The following IL17RC variants were observed in gnomAD, a reference collection of about 807,000 sequenced individuals.
IL17RC encodes interleukin 17 receptor C.
A neutral mutation model predicts 86.7 loss-of-function variants in IL17RC; 53 were observed. The ratio of observed to expected loss-of-function variants is 0.61; its 90% confidence interval spans 0.49 to 0.77. The LOEUF is 0.77. Ranked by LOEUF, IL17RC falls within the 30% of genes least tolerant of loss-of-function variation. The pLI is 0.00. For missense variants in IL17RC, 957 were observed against 940.0 expected (o/e 1.02, Z -0.24); for synonymous variants, 439 against 413.1 (o/e 1.06, Z -0.76).
rs139588638 is a variant in IL17RC at position 9,928,312 on chromosome 3, C to T, written c.885C>T (p.Arg295=). Residue 295 remains arginine, a synonymous_variant, in exon 11 of 19, where the codon CGC becomes CGT. Coordinates refer to ENST00000403601, the MANE Select transcript of IL17RC (RefSeq NM_153460.4). Reference sequence around the variant, plus strand: ...TGTGCCCTTTCCTTGCAGACCCCCGCGCACACCAGAACCTCTGGCAAGCCG... The same window carrying T: ...TGTGCCCTTTCCTTGCAGACCCCCGTGCACACCAGAACCTCTGGCAAGCCG... The part of the protein sequence containing the change: ...TNICPFREDP[R]AHQNLWQAAR... 5.9e-4 allele frequency: 954 copies of T among 1,607,208 alleles called. 3 individuals carry two copies. The highest frequency in any genetic ancestry group is 5.0e-3 in the Middle Eastern group (30 of 6,034).
At position 9,932,642 on chromosome 3, in the gene IL17RC, C is replaced by T. The variant is rs768412912; in HGVS notation, c.1422C>T (p.Ala474=). ...AGCGCTGGGCCCTCGTGTGGCTGGCCTGCCTACTCTTTGCCGCTGCGCTTT... is the reference window on the plus strand; with the variant it reads ...AGCGCTGGGCCCTCGTGTGGCTGGCTTGCCTACTCTTTGCCGCTGCGCTTT... ...IHKRWALVWL[A]CLLFAAALSL... The change falls in exon 17 of 19, where the codon GCC becomes GCT. Residue 474 remains alanine, a synonymous_variant. Transcript: ENST00000403601. 22 of 1,614,084 alleles carry T rather than the reference C, an allele frequency of 1.4e-5. No homozygotes were observed. The highest frequency in any genetic ancestry group is 1.9e-5 in the Non-Finnish European group (22 of 1,180,036).
At chr3:9,929,977 C>G (rs368007180) in intron 13 of IL17RC, 51 bp from the exon 14 acceptor site, 31 of 1,613,452 alleles carry the variant, frequency 1.9e-5, no homozygotes, top group Non-Finnish European at 2.5e-5. Context: ...GGCAAGTGGC[C>G]AATCCCAGCA....
intron 5 of IL17RC, among the ~76,000 whole-genome samples, 171 bp downstream of exon 5, chr3:9,918,780 TG>T (rs904356365): frequency 2.6e-5 from 4 of 152,242 alleles, no homozygotes; most frequent in Admixed American, 6.5e-5. Flanking sequence ...ACAACAGCCA[TG>T]TGAGGTGGGA....
In IL17RC at chr3:9,917,112, C is replaced by A; in HGVS notation, c.-204C>A. ...TGCCGGGAGCCAAAACGAAAGCACT[C>A]CGTGCTGGAAGTAGGAGGAGAGTCA... is the stretch of plus-strand genomic sequence containing the variant. On this transcript the variant is annotated 5_prime_UTR_variant, in exon 1 of 19. Coordinates refer to ENST00000403601, the MANE Select transcript of IL17RC (RefSeq NM_153460.4). 1 of 579,178 alleles carries A rather than the reference C, an allele frequency of 1.7e-6. No individual in the cohort carries two copies. The highest frequency in any genetic ancestry group is 3.1e-6 in the Non-Finnish European group (1 of 325,374). The allele number at this position is 579,178 out of a possible 1,614,324, so 35.9% of individuals were successfully genotyped here.
rs112277639 is a variant in IL17RC, at chr3:9,925,860, A to AT, written c.822+1585dup. On this transcript the variant is annotated intron_variant, in intron 9 of 18. Transcript: ENST00000403601. ...CACTTCATTTCTTTTATTTTCTTAA[A>AT]TTTTTTTTTTTTTTTTAGAGACAGC... Among the ~76,000 whole-genome samples the AT allele has an allele frequency of 7.2e-3, 993 of 138,496 alleles. 5 individuals are homozygous for AT. The highest frequency in any genetic ancestry group is 0.015 in the Middle Eastern group (4 of 268). 90.9% of individuals were successfully genotyped at this position (138,496 alleles called of 152,430 possible).
chr3:9,930,859 T>TG lies in IL17RC; in HGVS notation c.1339-34dup, dbSNP rs777106849. ...CTTGGTGAATATTGGAACACCTGGC[T>TG]GGTGCCCTGGATTTGGTTCTGTTTG... On this transcript the variant is annotated intron_variant, in intron 15 of 18. Coordinates refer to ENST00000403601, the MANE Select transcript of IL17RC (RefSeq NM_153460.4). The surrounding 1 kb of genome is among the most constrained non-coding windows in gnomAD (Gnocchi z 5.8). The TG allele has an allele frequency of 1.2e-6, 2 of 1,604,306 alleles. No homozygotes were observed. The highest frequency in any genetic ancestry group is 2.7e-5 in the African/African-American group (2 of 74,852).
At chr3:9,928,658 T>G in intron 12 of IL17RC, 28 bp downstream of exon 12, 1 of 1,612,460 alleles carries the variant, frequency 6.2e-7, no homozygotes, top group Non-Finnish European at 8.5e-7. Context: ...AGTGCTGGGC[T>G]GGAGGCTGGA....
chr3:9,928,540 G>C, intron 11 of IL17RC, 40 bp from the exon 12 acceptor site: 1 of 1,613,236 alleles, frequency 6.2e-7, no homozygotes, highest in Non-Finnish European at 8.5e-7. Context: ...GGAACCGGGG[G>C]TCCCCTTTTG....
At position 9,924,079 on chromosome 3, in the gene IL17RC, C is replaced by A. The variant is rs557849314; in HGVS notation, c.762+59C>A. ...TGTAGGCCGATGCCTGTGCAAAGGACGCAGTGCCATATCAGAGAGGATCCT... is the reference window on the plus strand; with the variant it reads ...TGTAGGCCGATGCCTGTGCAAAGGAAGCAGTGCCATATCAGAGAGGATCCT... On this transcript the variant is annotated intron_variant, in intron 8 of 18. Coordinates refer to ENST00000403601, the MANE Select transcript of IL17RC (RefSeq NM_153460.4). The A allele has an allele frequency of 2.4e-5, 38 of 1,610,926 alleles. No homozygotes were observed. The Middle Eastern group carries it at 6.6e-4, about 28-fold the overall frequency.
chr3:9,919,473 C>T (rs1305868015), intron 5 of IL17RC, among the ~76,000 whole-genome samples: 3 of 151,726 alleles, frequency 2.0e-5, no homozygotes, highest in East Asian at 1.9e-4. Context: ...TGAAACCCTG[C>T]CTCCACTAAA....
intron 7 of IL17RC, among the ~76,000 whole-genome samples, chr3:9,923,200 A>G (rs1289336778): frequency 6.7e-6 from 1 of 149,954 alleles, no homozygotes; most frequent in Non-Finnish European, 1.5e-5. Flanking sequence ...GGAAAAAAAA[A>G]AGAGAGAGAA....
intron 16 of IL17RC, 100 bp downstream of exon 16, chr3:9,931,043 C>T (rs2084605588): frequency 5.4e-6 from 5 of 931,642 alleles, no homozygotes; most frequent in Non-Finnish European, 9.0e-6. Flanking sequence ...TTGTCCTTCC[C>T]TGAGATCAGA....
At chr3:9,920,382 G>A (rs2083440246) in intron 5 of IL17RC, 109 bp from the exon 6 acceptor site, 1 of 683,092 alleles carries the variant, frequency 1.5e-6, no homozygotes, top group Admixed American at 2.2e-5. Flanking sequence ...ACAGTCATTA[G>A]TTGGGGGAGG....
chr3:9,921,539 T>G (rs1403134093), intron 7 of IL17RC, among the ~76,000 whole-genome samples: 1 of 152,132 alleles, frequency 6.6e-6, no homozygotes, highest in Non-Finnish European at 1.5e-5. Context: ...TCCCACGTAC[T>G]ATTTGGATTT....
At position 9,918,916 on chromosome 3, in the gene IL17RC, C is replaced by T. The variant is rs942794744; in HGVS notation, c.465+307C>T. 4.7e-5 allele frequency: 15 copies of T among 318,866 alleles called. 1 individual carries two copies. The highest frequency in any genetic ancestry group is 4.4e-4 in the South Asian group (11 of 25,038). The allele number at this position is 318,866 out of a possible 1,614,324, so 19.8% of individuals were successfully genotyped here. A position where few individuals can be genotyped will look rare whatever the true frequency, so the allele number is the denominator to read the frequency against. Reference sequence around the variant, plus strand: ...CATATGCTTGACTGCGAGAAATCACCAAGCGTTTTTCAGGGTGCTTCTACT... The same window carrying T: ...CATATGCTTGACTGCGAGAAATCACTAAGCGTTTTTCAGGGTGCTTCTACT... On this transcript the variant is annotated intron_variant, in intron 5 of 18. Coordinates refer to ENST00000403601, the MANE Select transcript of IL17RC (RefSeq NM_153460.4).
chr3:9,924,186 CTTCCTCCTT>C, intron 8 of IL17RC, 37 bp from the exon 9 acceptor site: 1 of 1,612,812 alleles, frequency 6.2e-7, no homozygotes, highest in Middle Eastern at 1.7e-4. Context: ...GCCTCCTCCT[CTTCCTCCTT>C]ATCTTCTCCA....
In IL17RC at chr3:9,933,336, A is replaced by T; in HGVS notation, c.1906A>T (p.Arg636Trp). 1 of 1,609,986 alleles carries T rather than the reference A, an allele frequency of 6.2e-7. No homozygotes were observed. The highest frequency in any genetic ancestry group is 1.1e-5 in the South Asian group (1 of 90,478). The change falls in exon 19 of 19, where the codon AGG becomes TGG. Residue 636 changes from arginine to tryptophan, a missense_variant. Physicochemically the swap from Arg to Trp is moderately radical, Grantham distance 101. Transcript: ENST00000403601. ...CAGCTACGTGGGGGCCTGCTTCGAC[A>T]GGCTGCTCCACCCGGACGCCGTACC... ...PGSYVGACFD[R>W]LLHPDAVPAL... is the part of the protein sequence containing the mutation.
chr3:9,930,397 C>T lies in IL17RC; in HGVS notation c.1279-3C>T. The T allele has an allele frequency of 6.2e-7, 1 of 1,613,958 alleles. No homozygotes were observed. The highest frequency in any genetic ancestry group is 8.5e-7 in the Non-Finnish European group (1 of 1,179,978). ...ACAGTGCCCCCATCCTTTGGCTTGGCAGAGGGCAGCTCGCCTTGGAGAGTA... is the reference window on the plus strand; with the variant it reads ...ACAGTGCCCCCATCCTTTGGCTTGGTAGAGGGCAGCTCGCCTTGGAGAGTA... On this transcript the variant is annotated splice_polypyrimidine_tract_variant and splice_region_variant and intron_variant, in intron 14 of 18. Coordinates refer to ENST00000403601, the MANE Select transcript of IL17RC (RefSeq NM_153460.4). This position sits in a 1 kb window ranked among gnomAD's most constrained non-coding sequence, Gnocchi z 5.8.
In IL17RC at chr3:9,921,007, G is replaced by A; in HGVS notation, c.622+38G>A. The A allele has an allele frequency of 6.4e-6, 9 of 1,415,406 alleles. 1 individual carries two copies. Among genetic ancestry groups the A allele is most frequent in the Non-Finnish European group, 8.7e-6 (9 of 1,033,228 alleles). The allele number at this position is 1,415,406 out of a possible 1,614,324, so 87.7% of individuals were successfully genotyped here. ...GCCAGTGGGCCGGGGGTAGGGAGGG[G>A]CAGGGTCTGGAGTATAAGAAACCCT... On this transcript the variant is annotated intron_variant, in intron 7 of 18. Transcript: ENST00000403601.
Sources: gnomAD v4.1 joint callset for allele counts (sites outside exome capture counted in the v4.1 genomes callset) on GRCh38, gnomAD v4.1.1 for gene constraint, Gnocchi (gnomAD v3.1) non-coding constraint, MANE v1.5 for transcripts, NCBI Gene and HGNC (gene_info 2026-07-23, HGNC 2026-07-21) for gene names.